SPOCK3: variants seen among roughly 807,000 people sequenced by gnomAD.
SPOCK3 encodes the protein SPARC (osteonectin), cwcv and kazal like domains proteoglycan 3, also known as testican-3.
SPOCK3 carries 30 observed loss-of-function variants against 56.6 expected under a neutral mutation model. That is an observed-to-expected ratio of 0.53 (90% CI 0.40 to 0.72). The LOEUF (loss-of-function observed/expected upper bound fraction) is 0.72, where lower values mean the gene tolerates loss of function less well. SPOCK3 is among the 30% of genes least tolerant of loss of function. The pLI is 0.00. For synonymous variants in SPOCK3, 196 were observed against 183.3 expected (o/e 1.07, Z -0.56); for missense variants, 527 against 530.0 (o/e 0.99, Z 0.06).
intron 3 of SPOCK3, among the ~76,000 whole-genome samples, chr4:167,050,710 A>G (rs963596318): frequency 4.6e-5 from 7 of 152,196 alleles, no homozygotes; most frequent in Admixed American, 3.3e-4. Flanking sequence ...AATATTACTC[A>G]GCCTTAAAAA....
chr4:166,915,721 G>A (rs1737770609), intron 4 of SPOCK3, among the ~76,000 whole-genome samples: 1 of 152,130 alleles, frequency 6.6e-6, no homozygotes, highest in Non-Finnish European at 1.5e-5. Flanking sequence ...ACTGTGGCAA[G>A]AGGAATGCCC....
intron 8 of SPOCK3, among the ~76,000 whole-genome samples, chr4:166,747,264 C>T (rs896111496): frequency 4.6e-5 from 7 of 152,182 alleles, no homozygotes; most frequent in Non-Finnish European, 5.9e-5. Flanking sequence ...AATCCAGCAG[C>T]ACATCAAAGA....
chr4:167,053,066 G>C (rs547079903), intron 3 of SPOCK3, among the ~76,000 whole-genome samples: 5 of 152,146 alleles, frequency 3.3e-5, no homozygotes, highest in African/African-American at 1.2e-4. Flanking sequence ...GACATATCAG[G>C]CTGTGAATGT....
chr4:167,011,921 GTTTTA>G (rs879288730), intron 3 of SPOCK3, among the ~76,000 whole-genome samples: 30 of 151,860 alleles, frequency 2.0e-4, no homozygotes, highest in Non-Finnish European at 3.7e-4. Context: ...TCCTCTTATT[GTTTTA>G]TTTTATATCT....
At chr4:167,138,873 G>C (rs1243903707) in intron 2 of SPOCK3, among the ~76,000 whole-genome samples, 1 of 151,850 alleles carries the variant, frequency 6.6e-6, no homozygotes, top group Non-Finnish European at 1.5e-5. Context: ...GGAATCATTT[G>C]AAAAGGAAAA....
chr4:166,793,681 A>G (rs1480407961), intron 6 of SPOCK3, among the ~76,000 whole-genome samples: 1 of 152,186 alleles, frequency 6.6e-6, no homozygotes, highest in Non-Finnish European at 1.5e-5. Flanking sequence ...CAAAATGAAG[A>G]TCTCATAAAC....
At chr4:167,072,745 T>A (rs1411638403) in intron 2 of SPOCK3, among the ~76,000 whole-genome samples, 2 of 151,906 alleles carry the variant, frequency 1.3e-5, no homozygotes, top group African/African-American at 4.8e-5. Flanking sequence ...TTTATCATAT[T>A]TTTAGAAAAA....
chr4:167,060,641 A>G (rs1210232710), intron 3 of SPOCK3, among the ~76,000 whole-genome samples: 3 of 152,182 alleles, frequency 2.0e-5, no homozygotes, highest in Admixed American at 6.6e-5. Context: ...CTGTTTTAAC[A>G]TATAGAAATA....
intron 5 of SPOCK3, among the ~76,000 whole-genome samples, chr4:166,905,639 T>C (rs1286192836): frequency 6.6e-6 from 1 of 151,910 alleles, no homozygotes; most frequent in Non-Finnish European, 1.5e-5. Flanking sequence ...GTGGAAGTCC[T>C]AACCAAAACC....
At chr4:166,782,182 T>A (rs1740251456) in intron 7 of SPOCK3, among the ~76,000 whole-genome samples, 1 of 152,156 alleles carries the variant, frequency 6.6e-6, no homozygotes, top group South Asian at 2.1e-4. Flanking sequence ...GTTCCTCCAC[T>A]GTACTATCAA....
At chr4:167,175,895 A>C (rs1730942328) in intron 2 of SPOCK3, among the ~76,000 whole-genome samples, 2 of 152,144 alleles carry the variant, frequency 1.3e-5, no homozygotes, top group African/African-American at 4.8e-5. Context: ...GTATTGTATT[A>C]ATTTCCTATT....
Position 167,137,260 on chromosome 4 carries a change from A to T in SPOCK3, c.190-74723T>A, listed in dbSNP as rs537320851. The stretch of plus-strand genomic sequence containing the variant: ...AGATAAATTGCTAATAAAAATGCTC[A>T]GTGAAAACAAAAATCATAAATACAG... On this transcript the variant is annotated intron_variant, in intron 2 of 10. Coordinates refer to ENST00000357545, the MANE Select transcript of SPOCK3 (RefSeq NM_001040159.2). 6.6e-5 allele frequency among the ~76,000 whole-genome samples: 10 copies of T among 152,134 alleles called. No homozygotes were observed. In the East Asian group the frequency reaches 1.9e-3, roughly 29 times the overall value.
chr4:167,214,030 C>T (rs1201848213), intron 2 of SPOCK3, among the ~76,000 whole-genome samples: 1 of 152,094 alleles, frequency 6.6e-6, no homozygotes, highest in East Asian at 1.9e-4. Context: ...AATTGGAGTA[C>T]ATGATTTGAT....
At chr4:166,793,928 G>T (rs746099236) in intron 6 of SPOCK3, among the ~76,000 whole-genome samples, 4 of 152,008 alleles carry the variant, frequency 2.6e-5, no homozygotes, top group Non-Finnish European at 5.9e-5. Flanking sequence ...ATACACCAGA[G>T]ATTAAATCAA....
intron 3 of SPOCK3, among the ~76,000 whole-genome samples, chr4:167,024,041 G>A (rs976028412): frequency 1.3e-5 from 2 of 151,864 alleles, no homozygotes; most frequent in African/African-American, 4.8e-5. Context: ...TGCTATTAAC[G>A]GTGAATCTCT....
intron 2 of SPOCK3, among the ~76,000 whole-genome samples, chr4:167,178,072 T>C (rs1025163046): frequency 2.0e-5 from 3 of 152,146 alleles, no homozygotes; most frequent in Admixed American, 1.3e-4. Flanking sequence ...TTCCAGATTC[T>C]AAGTCTTTGG....
chr4:167,119,545 C>A (rs1304089889), intron 2 of SPOCK3, among the ~76,000 whole-genome samples: 3 of 152,080 alleles, frequency 2.0e-5, no homozygotes, highest in Non-Finnish European at 4.4e-5. Context: ...TAACAAAATA[C>A]TCATCTCCAA....
chr4:166,790,117 C>T (rs1023227538), intron 7 of SPOCK3, among the ~76,000 whole-genome samples: 6 of 152,084 alleles, frequency 3.9e-5, no homozygotes, highest in Non-Finnish European at 7.4e-5. Flanking sequence ...TAACTCCTTT[C>T]AGTTTTATTT....
At chr4:166,886,304 GA>G (rs1256323508) in intron 6 of SPOCK3, among the ~76,000 whole-genome samples, 1 of 152,032 alleles carries the variant, frequency 6.6e-6, no homozygotes. Flanking sequence ...AAAGATGGAA[GA>G]AAAGGAGGGA....
Sources: allele counts gnomAD v4.1 joint callset (sites outside exome capture counted in the v4.1 genomes callset), GRCh38; gene constraint gnomAD v4.1.1; transcripts MANE v1.5; gene names NCBI Gene and HGNC (gene_info 2026-07-23, HGNC 2026-07-21).